C2orf42: variants seen among roughly 807,000 people sequenced by gnomAD.
C2orf42 encodes uncharacterized protein C2orf42.
C2orf42 carries 44 observed loss-of-function variants against 58.9 expected under a neutral mutation model. The observed-to-expected ratio is 0.75, with a 90% CI of 0.59 to 0.96. The LOEUF (loss-of-function observed/expected upper bound fraction) is 0.96, where lower values mean the gene tolerates loss of function less well. Among genes scored for constraint, C2orf42 ranks in the 40% least tolerant of loss-of-function variants. The pLI is 0.00. For synonymous variants in C2orf42, 239 were observed against 265.4 expected (o/e 0.90, Z 0.97); for missense variants, 630 against 699.2 (o/e 0.90, Z 1.12).
chr2:70,166,122 C>A (rs1490948895), intron 6 of C2orf42, among the ~76,000 whole-genome samples: 1 of 151,824 alleles, frequency 6.6e-6, no homozygotes, highest in Non-Finnish European at 1.5e-5. Flanking sequence ...AACTCCTGAC[C>A]TCGTGATCCA....
At chr2:70,184,424 G>A (rs1045171982) in intron 1 of C2orf42, among the ~76,000 whole-genome samples, 14 of 150,182 alleles carry the variant, frequency 9.3e-5, no homozygotes, top group African/African-American at 2.2e-4. Flanking sequence ...TGATCTGCCC[G>A]CCTTGGCCTC....
Position 70,160,782 on chromosome 2 carries a change from G to C in C2orf42, c.1359C>G (p.Pro453=). 6.3e-7 allele frequency: 1 copy of C among 1,592,860 alleles called. No individual in the cohort carries two copies. The highest frequency in any genetic ancestry group is 8.5e-7 in the Non-Finnish European group (1 of 1,173,092). The change falls in exon 9 of 10, where the codon CCC becomes CCG. Residue 453 remains proline, a synonymous_variant. Transcript: ENST00000264434. Reference sequence around the variant, plus strand: ...GGATAAAGCTACGGGTGATTTCCAAGGGCATCTGGACACCAAGACAATACC... The same window carrying C: ...GGATAAAGCTACGGGTGATTTCCAACGGCATCTGGACACCAAGACAATACC... ...VKQILDTPEM[P]LEITRSFIQN...
At chr2:70,178,247 C>T (rs1022145705) in intron 4 of C2orf42, among the ~76,000 whole-genome samples, 1 of 152,122 alleles carries the variant, frequency 6.6e-6, no homozygotes, top group African/African-American at 2.4e-5. Context: ...TACTAGGATA[C>T]TTCACCATTT....
At chr2:70,164,555 C>T (rs890710293) in intron 8 of C2orf42, among the ~76,000 whole-genome samples, 5 of 152,042 alleles carry the variant, frequency 3.3e-5, no homozygotes, top group Admixed American at 2.0e-4. Context: ...TTGCTTGAAC[C>T]CGGGAGGCAG....
chr2:70,164,079 C>T (rs886583096), intron 8 of C2orf42, among the ~76,000 whole-genome samples: 5 of 147,900 alleles, frequency 3.4e-5, no homozygotes, highest in African/African-American at 5.0e-5. Context: ...TGGGAGACTG[C>T]GGCAGACAGA....
chr2:70,161,544 T>C (rs1274839917), intron 8 of C2orf42, among the ~76,000 whole-genome samples: 1 of 152,098 alleles, frequency 6.6e-6, no homozygotes, highest in Non-Finnish European at 1.5e-5. Flanking sequence ...ATTTACTTTT[T>C]TTAAGAGGCA....
chr2:70,162,844 A>G lies in C2orf42; in HGVS notation c.1354-2057T>C, dbSNP rs1027761522. Among the ~76,000 whole-genome samples, 3 of 151,980 alleles carry G rather than the reference A, an allele frequency of 2.0e-5. No individual in the cohort carries two copies. In the East Asian group the frequency reaches 5.8e-4, roughly 29 times the overall value. ...AATGCCTTGCAATTAAGCTACTCTTAATGTATCAAATCACATTATGCTGAA... is the reference window on the plus strand; with the variant it reads ...AATGCCTTGCAATTAAGCTACTCTTGATGTATCAAATCACATTATGCTGAA... On this transcript the variant is annotated intron_variant, in intron 8 of 9. Transcript: ENST00000264434.
At chr2:70,183,174 A>AGAC (rs1440586146) in intron 1 of C2orf42, among the ~76,000 whole-genome samples, 1 of 151,994 alleles carries the variant, frequency 6.6e-6, no homozygotes, top group Non-Finnish European at 1.5e-5. Flanking sequence ...ATGGTGGCTC[A>AGAC]CTCCTGTAAT....
At chr2:70,161,918 T>C (rs1445766821) in intron 8 of C2orf42, among the ~76,000 whole-genome samples, 1 of 151,848 alleles carries the variant, frequency 6.6e-6, no homozygotes, top group Non-Finnish European at 1.5e-5. Context: ...CATGGCTCAC[T>C]GTAGCCTCCA....
intron 1 of C2orf42, among the ~76,000 whole-genome samples, chr2:70,185,019 G>A (rs1674838509): frequency 6.6e-6 from 1 of 151,924 alleles, no homozygotes; most frequent in South Asian, 2.1e-4. Context: ...GAACCCGGGA[G>A]ACAGAGCTTG....
chr2:70,185,816 G>A (rs914154618), intron 1 of C2orf42, among the ~76,000 whole-genome samples: 5 of 148,280 alleles, frequency 3.4e-5, no homozygotes, highest in Admixed American at 3.4e-4. Context: ...TATATTTTAA[G>A]GAAAACAAGT....
chr2:70,161,471 C>A (rs1192095919), intron 8 of C2orf42, among the ~76,000 whole-genome samples: 9 of 152,184 alleles, frequency 5.9e-5, no homozygotes, highest in Admixed American at 5.9e-4. Context: ...GTGCCATGTG[C>A]ATTTAAAGGA....
At chr2:70,173,977 C>T (rs1674013693) in intron 5 of C2orf42, among the ~76,000 whole-genome samples, 3 of 152,196 alleles carry the variant, frequency 2.0e-5, no homozygotes, top group South Asian at 2.1e-4. Flanking sequence ...TCCTGCAAGA[C>T]ACCTGCTGCT....
chr2:70,161,491 G>C (rs940582584), intron 8 of C2orf42, among the ~76,000 whole-genome samples: 1 of 152,094 alleles, frequency 6.6e-6, no homozygotes, highest in Non-Finnish European at 1.5e-5. Flanking sequence ...AGTTCCTCAA[G>C]TGTTTTTAAT....
rs181502457 is a variant in C2orf42 at position 70,158,558 on chromosome 2, C to T, written c.1516+2067G>A. 4.8e-3 allele frequency among the ~76,000 whole-genome samples: 727 copies of T among 151,728 alleles called. 8 individuals carry two copies. Among genetic ancestry groups the T allele is most frequent in the African/African-American group, 0.015 (624 of 41,386 alleles). The stretch of plus-strand genomic sequence containing the variant: ...TCCACCTCCTGGGTTCAAGCAATTC[C>T]CCTACCTCAGCCTCCCGAGTAGCTG... On this transcript the variant is annotated intron_variant, in intron 9 of 9. Transcript: ENST00000264434.
At chr2:70,163,307 C>A (rs193283229) in intron 8 of C2orf42, among the ~76,000 whole-genome samples, 15 of 151,870 alleles carry the variant, frequency 9.9e-5, no homozygotes, top group Admixed American at 9.8e-4. Flanking sequence ...TGCAGTGGTG[C>A]GATCTCGGCT....
chr2:70,165,008 G>C (rs1673304772), intron 8 of C2orf42, 84 bp downstream of exon 8: 1 of 603,898 alleles, frequency 1.7e-6, no homozygotes, highest in Non-Finnish European at 2.9e-6. Flanking sequence ...TGTAACTCAA[G>C]GAACCAGTGC....
intron 9 of C2orf42, among the ~76,000 whole-genome samples, chr2:70,156,752 C>T (rs540179744): frequency 6.5e-4 from 98 of 151,728 alleles, no homozygotes; most frequent in African/African-American, 2.3e-3. Context: ...GTCCCAGCTA[C>T]TCAGGAGGCT....
At chr2:70,152,205 T>C (rs972373200) in intron 9 of C2orf42, among the ~76,000 whole-genome samples, 3 of 152,212 alleles carry the variant, frequency 2.0e-5, no homozygotes, top group Non-Finnish European at 4.4e-5. Flanking sequence ...ACTGATATGA[T>C]GAGAAACAAA....
Sources: gnomAD v4.1 joint callset for allele counts (sites outside exome capture counted in the v4.1 genomes callset) on GRCh38, gnomAD v4.1.1 for gene constraint, MANE v1.5 for transcripts, NCBI Gene and HGNC (gene_info 2026-07-23, HGNC 2026-07-21) for gene names.